Variants in CDK12 observed in about 807,000 individuals in gnomAD.
CDK12 encodes the protein cyclin-dependent kinase 12.
A neutral mutation model predicts 133.8 loss-of-function variants in CDK12; 17 were observed. The observed-to-expected ratio is 0.13, with a 90% CI of 0.09 to 0.19. CDK12 has a LOEUF of 0.19. Ranked by LOEUF, CDK12 falls within the 10% of genes least tolerant of loss-of-function variation. The pLI is 1.00. For synonymous variants in CDK12, 694 were observed against 683.6 expected (o/e 1.02, Z -0.24); for missense variants, 1,508 against 1,818.7 (o/e 0.83, Z 3.11).
intron 1 of CDK12, among the ~76,000 whole-genome samples, chr17:39,539,610 G>A (rs1311379670): frequency 6.6e-6 from 1 of 152,168 alleles, no homozygotes; most frequent in Non-Finnish European, 1.5e-5. Flanking sequence ...AAGAAGACTG[G>A]GGGAGGGTCC....
intron 7 of CDK12, among the ~76,000 whole-genome samples, chr17:39,511,146 C>T (rs532470589): frequency 2.5e-4 from 35 of 138,478 alleles, no homozygotes; most frequent in African/African-American, 8.6e-4. Flanking sequence ...ACCTGGGAGG[C>T]GGAGCTTGCA....
rs567755693 is a variant in CDK12 at position 39,529,557 on chromosome 17, GCATTGTTCTACCAT to G, written c.3761-1046_3761-1033del. Among the ~76,000 whole-genome samples, 59 of 152,048 alleles carry G rather than the reference GCATTGTTCTACCAT, an allele frequency of 3.9e-4. No individual in the cohort carries two copies. In the South Asian group the frequency reaches 8.8e-3, roughly 23 times the overall value. On this transcript the variant is annotated intron_variant, in intron 13 of 13. Coordinates refer to ENST00000447079, the MANE Select transcript of CDK12 (RefSeq NM_016507.4). ...CAGGATGACTCTCAATTTTCTAAAG[GCATTGTTCTACCAT>G]ACTTCTGTCTCAGTGGTTTTCTTTG...
At chr17:39,466,265 G>A (rs180869345) in intron 1 of CDK12, among the ~76,000 whole-genome samples, 2 of 145,874 alleles carry the variant, frequency 1.4e-5, no homozygotes, top group Admixed American at 7.0e-5. Context: ...CCAAAGTCAC[G>A]CCACTGCACT....
At chr17:39,514,823 C>T (rs2053700991) in intron 8 of CDK12, among the ~76,000 whole-genome samples, 1 of 152,076 alleles carries the variant, frequency 6.6e-6, no homozygotes, top group African/African-American at 2.4e-5. Context: ...ATCAACACAG[C>T]CAAGATAATG....
chr17:39,544,162 A>T (rs1385712635), upstream of CDK12: 4 of 472,380 alleles, frequency 8.5e-6, no homozygotes, highest in African/African-American at 2.0e-5. Context: ...CTACCAATGG[A>T]TGCTTCCTGG....
intron 2 of CDK12, among the ~76,000 whole-genome samples, chr17:39,487,607 A>ATTTTTTTT (rs887590343): frequency 1.0e-5 from 1 of 96,350 alleles, no homozygotes; most frequent in Non-Finnish European, 2.0e-5. Flanking sequence ...GCATGACACA[A>ATTTTTTTT]TTTTTTTTTT....
At position 39,530,635 on chromosome 17, in the gene CDK12, G is replaced by C. The variant is rs1411321576; in HGVS notation, c.3792G>C (p.Lys1264Asn). 1 of 1,605,224 alleles carries C rather than the reference G, an allele frequency of 6.2e-7. No homozygotes were observed. The highest frequency in any genetic ancestry group is 8.5e-7 in the Non-Finnish European group (1 of 1,174,454). ...CTCCTCACATTCTTCCACCAGAGAAGAGGCCCCCTGAGCCCCCCGGACCTC... is the reference window on the plus strand; with the variant it reads ...CTCCTCACATTCTTCCACCAGAGAACAGGCCCCCTGAGCCCCCCGGACCTC... The part of the protein sequence containing the change: ...ACPPHILPPE[K>N]RPPEPPGPPP... Residue 1264 changes from lysine (K) to asparagine (N), a missense_variant, in exon 14 of 14, where the codon AAG becomes AAC. By Grantham distance (94) the Lys-to-Asn change is moderately conservative (BLOSUM62 0). Around this residue, in one of 9 missense-constraint regions of CDK12, gnomAD observed 399 missense variants for 469.6 expected, o/e 0.85. Transcript: ENST00000447079.
chr17:39,536,724 G>A (rs181631271), downstream of CDK12, among the ~76,000 whole-genome samples: 19 of 152,280 alleles, frequency 1.2e-4, no homozygotes, highest in East Asian at 3.5e-3. Context: ...AAAACACTTT[G>A]ACCACTGGAT....
intron 10 of CDK12, among the ~76,000 whole-genome samples, chr17:39,517,935 C>T (rs2053914765): frequency 6.6e-6 from 1 of 150,920 alleles, no homozygotes; most frequent in Non-Finnish European, 1.5e-5. Context: ...TCACTGCAGC[C>T]TTGACCTGCT....
At chr17:39,498,145 A>T (rs2052284276) in intron 5 of CDK12, among the ~76,000 whole-genome samples, 1 of 150,684 alleles carries the variant, frequency 6.6e-6, no homozygotes, top group Admixed American at 6.6e-5. Flanking sequence ...AGGACTAGAC[A>T]CCACTCCTGG....
At chr17:39,496,423 G>C (rs1306971957) in intron 5 of CDK12, among the ~76,000 whole-genome samples, 1 of 152,074 alleles carries the variant, frequency 6.6e-6, no homozygotes, top group Non-Finnish European at 1.5e-5. Flanking sequence ...TAATAGGCCA[G>C]GTGCAGTGGC....
intron 11 of CDK12, 41 bp from the exon 12 acceptor site, chr17:39,524,633 C>A: frequency 6.6e-7 from 1 of 1,518,802 alleles, no homozygotes; most frequent in Non-Finnish European, 9.1e-7. Context: ...TTCACTGCTG[C>A]ATTCCCTTAC....
chr17:39,480,559 A>G (rs2050565518), intron 2 of CDK12, among the ~76,000 whole-genome samples: 1 of 151,940 alleles, frequency 6.6e-6, no homozygotes, highest in African/African-American at 2.4e-5. Context: ...CACCTTCCTC[A>G]GTCTCCCAAG....
At position 39,483,811 on chromosome 17, in the gene CDK12, C is replaced by A. The variant is rs542085967; in HGVS notation, c.1932-6746C>A. On this transcript the variant is annotated intron_variant, in intron 2 of 13. Coordinates refer to ENST00000447079, the MANE Select transcript of CDK12 (RefSeq NM_016507.4). ...CTGAGAGTACAGGCGTGAGCCACCA[C>A]CCCTGGCGTAAATATTTATAAATTT... Among the ~76,000 whole-genome samples the A allele has an allele frequency of 2.9e-3, 446 of 151,600 alleles. 3 individuals are homozygous for A. Among genetic ancestry groups the A allele is most frequent in the African/African-American group, 1.0e-2 (413 of 41,430 alleles).
intron 8 of CDK12, among the ~76,000 whole-genome samples, chr17:39,514,138 T>A (rs2053654035): frequency 6.6e-6 from 1 of 152,086 alleles, no homozygotes; most frequent in Non-Finnish European, 1.5e-5. Flanking sequence ...TCAAGCAATC[T>A]TCCCACCTCG....
intron 7 of CDK12, 62 bp from the exon 8 acceptor site, chr17:39,511,467 T>C (rs2053503552): frequency 9.6e-7 from 1 of 1,042,064 alleles, no homozygotes; most frequent in Non-Finnish European, 1.5e-6. Context: ...CATTTAGTTA[T>C]GTGAATATTT....
At chr17:39,467,067 C>G (rs1341187908) in intron 1 of CDK12, among the ~76,000 whole-genome samples, 1 of 152,112 alleles carries the variant, frequency 6.6e-6, no homozygotes, top group Non-Finnish European at 1.5e-5. Context: ...CAACCTCCGC[C>G]TCCCAGGTTC....
In CDK12 at chr17:39,468,263, A is replaced by G. The variant is rs2049502543; in HGVS notation, c.1047-2616A>G. Among the ~76,000 whole-genome samples, 3 of 152,202 alleles carry G rather than the reference A, an allele frequency of 2.0e-5. No homozygotes were observed. The South Asian group carries it at 6.2e-4, about 31-fold the overall frequency. ...TTGCAAGAAGCAGTATAGGTAAAAGAAAATCATCGCTGCCATTATGCAAGT... is the reference window on the plus strand; with the variant it reads ...TTGCAAGAAGCAGTATAGGTAAAAGGAAATCATCGCTGCCATTATGCAAGT... On this transcript the variant is annotated intron_variant, in intron 1 of 13. Coordinates refer to ENST00000447079, the MANE Select transcript of CDK12 (RefSeq NM_016507.4).
At chr17:39,486,275 T>TTTTC (rs1451776106) in intron 2 of CDK12, among the ~76,000 whole-genome samples, 1 of 102,880 alleles carries the variant, frequency 9.7e-6, no homozygotes, top group African/African-American at 3.3e-5. Context: ...TTTTTTTTTT[T>TTTTC]CTGTGAAACA....
Sources: allele counts gnomAD v4.1 joint callset (sites outside exome capture counted in the v4.1 genomes callset), GRCh38; gene constraint gnomAD v4.1.1; regional missense constraint gnomAD v4.1.1; transcripts MANE v1.5; gene names NCBI Gene and HGNC (gene_info 2026-07-23, HGNC 2026-07-21).